The following PLCXD3 variants were observed in gnomAD, a reference collection of about 807,000 sequenced individuals.
PLCXD3 encodes the protein phosphatidylinositol specific phospholipase C X domain containing 3, also known as PI-PLC X domain-containing protein 3.
PLCXD3 carries 19 observed loss-of-function variants against 25.5 expected under a neutral mutation model. That is an observed-to-expected ratio of 0.75 (90% CI 0.52 to 1.09). The LOEUF (loss-of-function observed/expected upper bound fraction) is 1.09, where lower values mean the gene tolerates loss of function less well. PLCXD3 is among the 50% of genes least tolerant of loss of function. The probability of loss-of-function intolerance (pLI) is 0.00; values close to 1 mark genes in which losing one functional copy is unlikely to be tolerated. For synonymous variants in PLCXD3, 174 were observed against 137.6 expected (o/e 1.26, Z -1.85); for missense variants, 411 against 388.1 (o/e 1.06, Z -0.50).
At chr5:41,358,042 T>C (rs1744667721) in intron 2 of PLCXD3, among the ~76,000 whole-genome samples, 1 of 152,232 alleles carries the variant, frequency 6.6e-6, no homozygotes, top group Non-Finnish European at 1.5e-5. Context: ...TTGAATATCC[T>C]TACAAAAATA....
At chr5:41,492,576 C>T (rs200088075) in intron 1 of PLCXD3, among the ~76,000 whole-genome samples, 2 of 147,618 alleles carry the variant, frequency 1.4e-5, no homozygotes, top group African/African-American at 5.0e-5. Flanking sequence ...GTACACCAAT[C>T]AGACGTAGAT....
chr5:41,510,223 C>T (rs981580693), intron 1 of PLCXD3, among the ~76,000 whole-genome samples: 3 of 152,188 alleles, frequency 2.0e-5, no homozygotes, highest in Non-Finnish European at 4.4e-5. Flanking sequence ...TTGACTCTAG[C>T]GCCTCGGTCC....
intron 1 of PLCXD3, among the ~76,000 whole-genome samples, chr5:41,407,285 T>A: frequency 6.6e-6 from 1 of 152,146 alleles, no homozygotes; most frequent in East Asian, 1.9e-4. Flanking sequence ...ACTGAGGAGA[T>A]AAAATACACA....
intron 1 of PLCXD3, among the ~76,000 whole-genome samples, chr5:41,495,873 G>T (rs1322479221): frequency 6.6e-6 from 1 of 151,888 alleles, no homozygotes; most frequent in Admixed American, 6.6e-5. Context: ...AAATAATCAA[G>T]TCAAAGGAAT....
At chr5:41,445,589 G>T (rs1475735517) in intron 1 of PLCXD3, among the ~76,000 whole-genome samples, 1 of 152,102 alleles carries the variant, frequency 6.6e-6, no homozygotes, top group Non-Finnish European at 1.5e-5. Context: ...CTCTGAAATG[G>T]ATTATCAGAA....
intron 1 of PLCXD3, among the ~76,000 whole-genome samples, chr5:41,395,115 T>C (rs1692831963): frequency 6.6e-6 from 1 of 152,184 alleles, no homozygotes; most frequent in South Asian, 2.1e-4. Flanking sequence ...ATTTAAATAA[T>C]ATCAAGCATC....
At chr5:41,362,376 C>T (rs1240456166) in intron 2 of PLCXD3, among the ~76,000 whole-genome samples, 1 of 152,176 alleles carries the variant, frequency 6.6e-6, no homozygotes, top group African/African-American at 2.4e-5. Flanking sequence ...AGCTCTGCCA[C>T]AGATGCTGTG....
Position 41,489,204 on chromosome 5 carries a change from T to C in PLCXD3, c.103+21220A>G, listed in dbSNP as rs1191262878. ...AATAGGGAATCCTTTCCCCATTGCT[T>C]GTTTTTCTCAGGTTTGTCAAAGATC... On this transcript the variant is annotated intron_variant, in intron 1 of 2. Coordinates refer to ENST00000377801, the MANE Select transcript of PLCXD3 (RefSeq NM_001005473.3). Among the ~76,000 whole-genome samples, 3 of 152,170 alleles carry C rather than the reference T, an allele frequency of 2.0e-5. No individual in the cohort carries two copies. In the East Asian group the frequency reaches 5.8e-4, roughly 29 times the overall value.
At chr5:41,348,498 T>C (rs959918579) in intron 2 of PLCXD3, among the ~76,000 whole-genome samples, 1 of 152,206 alleles carries the variant, frequency 6.6e-6, no homozygotes, top group Non-Finnish European at 1.5e-5. Context: ...CTAGCTTAAC[T>C]AGTTAATTAA....
intron 2 of PLCXD3, among the ~76,000 whole-genome samples, chr5:41,327,011 A>G (rs2150472214): frequency 6.6e-6 from 1 of 152,312 alleles, no homozygotes; most frequent in South Asian, 2.1e-4. Flanking sequence ...AGCACAGTAG[A>G]TAAAATCATT....
intron 2 of PLCXD3, 88 bp downstream of exon 2, chr5:41,381,738 G>C: frequency 2.4e-6 from 3 of 1,240,970 alleles, no homozygotes; most frequent in Non-Finnish European, 3.4e-6. Context: ...AATATACATA[G>C]GTATAATTTC....
Position 41,421,939 on chromosome 5 carries a change from T to C in PLCXD3, c.104-39405A>G, listed in dbSNP as rs185289354. On this transcript the variant is annotated intron_variant, in intron 1 of 2. Coordinates refer to ENST00000377801, the MANE Select transcript of PLCXD3 (RefSeq NM_001005473.3). ...AACAACATGCTTTTCTTCATATATT[T>C]ACTATAATTCTCGATATCACTCAGA... 2.0e-4 allele frequency among the ~76,000 whole-genome samples: 31 copies of C among 152,292 alleles called. No homozygotes were observed. The East Asian group carries it at 6.0e-3, about 29-fold the overall frequency.
At chr5:41,469,614 T>A (rs1231429105) in intron 1 of PLCXD3, among the ~76,000 whole-genome samples, 1 of 152,190 alleles carries the variant, frequency 6.6e-6, no homozygotes, top group East Asian at 1.9e-4. Context: ...TATATCTACT[T>A]CCTCTAGTTA....
chr5:41,498,360 TA>T (rs1036552503), intron 1 of PLCXD3, among the ~76,000 whole-genome samples: 6 of 151,346 alleles, frequency 4.0e-5, no homozygotes, highest in African/African-American at 1.5e-4. Context: ...TAATTCCACA[TA>T]AAGGATTATA....
At chr5:41,461,828 T>C (rs375109070) in intron 1 of PLCXD3, among the ~76,000 whole-genome samples, 1 of 151,942 alleles carries the variant, frequency 6.6e-6, no homozygotes. Context: ...CTCACTCCCA[T>C]CCCAGGGAAA....
intron 1 of PLCXD3, among the ~76,000 whole-genome samples, chr5:41,424,453 T>C (rs1430441614): frequency 6.6e-6 from 1 of 152,134 alleles, no homozygotes; most frequent in Non-Finnish European, 1.5e-5. Flanking sequence ...GGCAGGAGAA[T>C]TGCTTGAACC....
At chr5:41,353,628 TC>T (rs1744536628) in intron 2 of PLCXD3, among the ~76,000 whole-genome samples, 1 of 152,102 alleles carries the variant, frequency 6.6e-6, no homozygotes, top group Admixed American at 6.5e-5. Flanking sequence ...GAGAAAAAAA[TC>T]CATGCCTTTG....
intron 2 of PLCXD3, among the ~76,000 whole-genome samples, chr5:41,347,800 G>T (rs559560771): frequency 1.3e-5 from 2 of 152,308 alleles, no homozygotes; most frequent in South Asian, 2.1e-4. Flanking sequence ...CCAAAGAGGT[G>T]CAGGAAAGAC....
intron 1 of PLCXD3, among the ~76,000 whole-genome samples, chr5:41,426,672 C>T (rs914499755): frequency 2.0e-5 from 3 of 152,046 alleles, no homozygotes; most frequent in Admixed American, 6.6e-5. Flanking sequence ...TTTTAATTCT[C>T]TGCCCAAATG....
Sources: gnomAD v4.1 joint callset for allele counts (sites outside exome capture counted in the v4.1 genomes callset) on GRCh38, gnomAD v4.1.1 for gene constraint, MANE v1.5 for transcripts, NCBI Gene and HGNC (gene_info 2026-07-23, HGNC 2026-07-21) for gene names.